SLC4A1AP: variants seen among roughly 807,000 people sequenced by gnomAD.
SLC4A1AP encodes the protein solute carrier family 4 member 1 adaptor protein, also known as kanadaptin.
SLC4A1AP carries 64 observed loss-of-function variants against 89.7 expected under a neutral mutation model. That is an observed-to-expected ratio of 0.71 (90% confidence interval 0.58 to 0.88). The LOEUF (loss-of-function observed/expected upper bound fraction) is 0.88, where lower values mean the gene tolerates loss of function less well. Ranked by LOEUF, SLC4A1AP falls within the 40% of genes least tolerant of loss-of-function variation. The pLI, the probability that SLC4A1AP is intolerant of heterozygous loss-of-function variation, is 0.00. For missense variants in SLC4A1AP, 931 were observed against 965.0 expected (o/e 0.96, Z 0.47); for synonymous variants, 366 against 353.3 (o/e 1.04, Z -0.40).
intron 6 of SLC4A1AP, 115 bp from the exon 7 acceptor site, chr2:27,677,180 C>A: frequency 1.3e-6 from 1 of 760,244 alleles, no homozygotes; most frequent in Non-Finnish European, 2.3e-6. Flanking sequence ...AGCAGTTTAA[C>A]TGGACTTTTG....
At chr2:27,665,739 A>T (rs770443901) in intron 2 of SLC4A1AP, among the ~76,000 whole-genome samples, 4 of 152,230 alleles carry the variant, frequency 2.6e-5, no homozygotes, top group African/African-American at 9.6e-5. Context: ...ATCTAATCAG[A>T]TAAAGCTGGT....
intron 5 of SLC4A1AP, 30 bp from the exon 6 acceptor site, chr2:27,675,502 T>G (rs760307861): frequency 1.3e-6 from 2 of 1,492,172 alleles, no homozygotes; most frequent in Non-Finnish European, 9.1e-7. Context: ...TTTTAAAAAC[T>G]TATTTATTCA....
chr2:27,681,235 G>T (rs1230683990), intron 8 of SLC4A1AP, among the ~76,000 whole-genome samples: 1 of 152,162 alleles, frequency 6.6e-6, no homozygotes, highest in African/African-American at 2.4e-5. Flanking sequence ...GTCCTTCATG[G>T]CCAGGCAGGC....
At chr2:27,691,120 A>G (rs1174288482) in intron 12 of SLC4A1AP, among the ~76,000 whole-genome samples, 1 of 152,028 alleles carries the variant, frequency 6.6e-6, no homozygotes, top group African/African-American at 2.4e-5. Context: ...ATTGGTACCA[A>G]TTCTTCCTTG....
At chr2:27,668,553 T>A in intron 3 of SLC4A1AP, 1 of 563,030 alleles carries the variant, frequency 1.8e-6, no homozygotes, top group Non-Finnish European at 3.4e-6. Flanking sequence ...GGGTTTAAGC[T>A]ATGCTCCGGC....
chr2:27,669,061 A>G (rs948771029), intron 4 of SLC4A1AP, among the ~76,000 whole-genome samples, 158 bp downstream of exon 4: 1 of 152,084 alleles, frequency 6.6e-6, no homozygotes, highest in African/African-American at 2.4e-5. Flanking sequence ...ATTATTGGAG[A>G]GTGGGGTGGG....
intron 5 of SLC4A1AP, 61 bp from the exon 6 acceptor site, chr2:27,675,471 C>T: frequency 8.0e-7 from 1 of 1,254,846 alleles, no homozygotes; most frequent in South Asian, 1.7e-5. Context: ...GCCTACTTGC[C>T]TTCTTTCTTT....
At chr2:27,689,784 A>C (rs1675759666) in intron 12 of SLC4A1AP, among the ~76,000 whole-genome samples, 1 of 152,224 alleles carries the variant, frequency 6.6e-6, no homozygotes, top group Non-Finnish European at 1.5e-5. Context: ...ACCTTCCCAA[A>C]GTCTGGATTC....
chr2:27,679,949 A>G (rs1675592685), intron 8 of SLC4A1AP, among the ~76,000 whole-genome samples: 1 of 152,166 alleles, frequency 6.6e-6, no homozygotes, highest in East Asian at 1.9e-4. Context: ...CTGGGCTAAG[A>G]TATGGTTTCA....
At chr2:27,677,238 T>G in intron 6 of SLC4A1AP, 57 bp from the exon 7 acceptor site, 1 of 1,126,886 alleles carries the variant, frequency 8.9e-7, no homozygotes, top group South Asian at 1.3e-5. Context: ...AACAGGAGGA[T>G]GAAAAACAGT....
At chr2:27,689,179 C>T (rs1675751259) in intron 12 of SLC4A1AP, among the ~76,000 whole-genome samples, 1 of 152,098 alleles carries the variant, frequency 6.6e-6, no homozygotes, top group African/African-American at 2.4e-5. Flanking sequence ...TTGAGAGTTT[C>T]TCACCATATG....
At position 27,677,295 on chromosome 2, in the gene SLC4A1AP, G is replaced by T. The variant is rs767952214; in HGVS notation, c.1507G>T (p.Val503Phe). The T allele has an allele frequency of 2.3e-5, 37 of 1,608,752 alleles. No individual in the cohort carries two copies. Among genetic ancestry groups the T allele is most frequent in the South Asian group, 6.6e-5 (6 of 90,848 alleles). ...AACCCTGTTGATTTGGGTGTTACAG[G>T]TTGCAAAATTAAATGATGCTGAAAG... is the stretch of plus-strand genomic sequence containing the variant. Residue 503 changes from valine to phenylalanine, a missense_variant and splice_region_variant, in exon 7 of 14, where the codon GTT (valine) becomes TTT (phenylalanine). Val to Phe is a conservative substitution (Grantham distance 50, BLOSUM62 -1). Coordinates refer to ENST00000613058, the Ensembl canonical transcript of SLC4A1AP.
Position 27,669,162 on chromosome 2 carries a change from A to G in SLC4A1AP, c.1206-86A>G, listed in dbSNP as rs894366793. 36 of 1,420,470 alleles carry G rather than the reference A, an allele frequency of 2.5e-5. No individual in the cohort carries two copies. The African/African-American group carries it at 4.6e-4, about 18-fold the overall frequency. 88.0% of individuals were successfully genotyped at this position (1,420,470 alleles called of 1,614,324 possible). A position where few individuals can be genotyped will look rare whatever the true frequency, so the allele number is the denominator to read the frequency against. On this transcript the variant is annotated intron_variant, in intron 4 of 13. Coordinates refer to ENST00000613058, the Ensembl canonical transcript of SLC4A1AP. The stretch of plus-strand genomic sequence containing the variant: ...AAAGACTGAAAGGCCATCTAAAAAA[A>G]AAATGACTATTATCATAGCATAGTA...
At chr2:27,682,934 C>A (rs1324501108) in intron 9 of SLC4A1AP, among the ~76,000 whole-genome samples, 2 of 152,176 alleles carry the variant, frequency 1.3e-5, no homozygotes, top group Non-Finnish European at 2.9e-5. Flanking sequence ...TTATTAATTT[C>A]TCATGAATGT....
chr2:27,678,542 A>T (rs999946071), intron 8 of SLC4A1AP, among the ~76,000 whole-genome samples: 1 of 151,508 alleles, frequency 6.6e-6, no homozygotes. Flanking sequence ...CAAAAAAAAA[A>T]TTAAATTATT....
exon 2 of SLC4A1AP, chr2:27,665,263 A>G: frequency 6.2e-7 from 1 of 1,611,866 alleles, no homozygotes; most frequent in Non-Finnish European, 8.5e-7. Context: ...GCTGGTAGCC[A>G]AGATGATGAG....
chr2:27,688,975 CTTT>C (rs1167014775), intron 12 of SLC4A1AP, among the ~76,000 whole-genome samples: 1 of 152,144 alleles, frequency 6.6e-6, no homozygotes, highest in African/African-American at 2.4e-5. Flanking sequence ...CAAGCTATCT[CTTT>C]TATTAGTTTA....
intron 12 of SLC4A1AP, among the ~76,000 whole-genome samples, chr2:27,689,439 G>A (rs975085014): frequency 7.2e-5 from 11 of 152,124 alleles, no homozygotes; most frequent in Non-Finnish European, 1.5e-4. Context: ...AGGACACCAG[G>A]CACCATCAGC....
At chr2:27,693,824 T>A in intron 13 of SLC4A1AP, 70 bp downstream of exon 13, 2 of 1,181,796 alleles carry the variant, frequency 1.7e-6, no homozygotes, top group Non-Finnish European at 2.4e-6. Flanking sequence ...AATATAGATT[T>A]AAGGTTCAAC....
Sources: gnomAD v4.1 joint callset for allele counts (sites outside exome capture counted in the v4.1 genomes callset) on GRCh38, gnomAD v4.1.1 for gene constraint, MANE v1.5 for transcripts, NCBI Gene and HGNC (gene_info 2026-07-23, HGNC 2026-07-21) for gene names.